Variants in CREB5 observed in about 807,000 individuals in gnomAD.
The protein encoded by CREB5 is cAMP responsive element binding protein 5.
Under a neutral mutation model 57.1 loss-of-function variants are expected in CREB5, and 19 were observed. The observed-to-expected ratio is 0.33, with a 90% CI of 0.23 to 0.49. CREB5 has a LOEUF of 0.49. Ranked by LOEUF, CREB5 falls within the 20% of genes least tolerant of loss-of-function variation. CREB5 has a pLI of 0.99. For missense variants in CREB5, 579 were observed against 671.6 expected, an observed-to-expected ratio of 0.86 and a Z score of 1.52; for synonymous variants, 238 against 238.3, an observed-to-expected ratio of 1.00 and a Z score of 0.01.
At chr7:28,411,177 G>T (rs1787781521), upstream of CREB5, among the ~76,000 whole-genome samples, 1 of 152,200 alleles carries the variant, frequency 6.6e-6, no homozygotes, top group Non-Finnish European at 1.5e-5. Flanking sequence ...ATGTTTGCAA[G>T]CGTTATGATA....
intron 1 of CREB5, among the ~76,000 whole-genome samples, chr7:28,397,028 T>A (rs1174502693): frequency 1.3e-5 from 2 of 152,156 alleles, no homozygotes; most frequent in East Asian, 3.8e-4. Context: ...TCTTGAGGAG[T>A]GTTTTTGTTC....
chr7:28,446,356 TC>T (rs1419384490), intron 1 of CREB5, among the ~76,000 whole-genome samples: 2 of 152,198 alleles, frequency 1.3e-5, no homozygotes, highest in Non-Finnish European at 2.9e-5. Context: ...AACCAAATGT[TC>T]CTTGTGTTCT....
intron 5 of CREB5, among the ~76,000 whole-genome samples, chr7:28,573,063 G>A (rs566837657): frequency 4.6e-5 from 7 of 152,096 alleles, no homozygotes; most frequent in South Asian, 2.1e-4. Context: ...AACCTTGCCC[G>A]GATGATCCTG....
chr7:28,342,496 C>T (rs1462880184), intron 1 of CREB5, among the ~76,000 whole-genome samples: 7 of 152,210 alleles, frequency 4.6e-5, no homozygotes, highest in Non-Finnish European at 8.8e-5. Context: ...TCAAACAACT[C>T]AATTAACAAA....
intron 4 of CREB5, among the ~76,000 whole-genome samples, chr7:28,529,230 C>T (rs2128620746): frequency 6.6e-6 from 1 of 152,276 alleles, no homozygotes; most frequent in Non-Finnish European, 1.5e-5. Flanking sequence ...TTTTTCCACC[C>T]AAGAATGCAC....
intron 1 of CREB5, among the ~76,000 whole-genome samples, chr7:28,303,935 A>G (rs1018898703): frequency 6.6e-6 from 1 of 152,208 alleles, no homozygotes; most frequent in Non-Finnish European, 1.5e-5. Flanking sequence ...ATATAGTTTT[A>G]GAATAAAAAT....
chr7:28,435,354 G>A (rs1788913666), intron 1 of CREB5, among the ~76,000 whole-genome samples: 1 of 151,158 alleles, frequency 6.6e-6, no homozygotes, highest in South Asian at 2.1e-4. Flanking sequence ...TGTCAGTGGG[G>A]ATGTGCATTT....
chr7:28,579,282 TGAA>T (rs1796028508), intron 5 of CREB5, among the ~76,000 whole-genome samples: 2 of 152,350 alleles, frequency 1.3e-5, no homozygotes, highest in African/African-American at 4.8e-5. Context: ...CATAGACTGC[TGAA>T]GAAGAATTCT....
At chr7:28,648,457 C>T (rs1410001524) in intron 5 of CREB5, among the ~76,000 whole-genome samples, 1 of 152,066 alleles carries the variant, frequency 6.6e-6, no homozygotes, top group African/African-American at 2.4e-5. Flanking sequence ...TAACTTTGGC[C>T]GGGTGCTGTG....
intron 1 of CREB5, among the ~76,000 whole-genome samples, chr7:28,452,158 A>T (rs1035448182): frequency 6.6e-6 from 1 of 152,174 alleles, no homozygotes; most frequent in Non-Finnish European, 1.5e-5. Flanking sequence ...GTAGTTAGTC[A>T]AAGTTTTGTT....
chr7:28,774,644 C>T (rs1583713694), intron 7 of CREB5, among the ~76,000 whole-genome samples: 1 of 152,182 alleles, frequency 6.6e-6, no homozygotes, highest in East Asian at 1.9e-4. Context: ...TAGGTCTCTG[C>T]ATGGTATGCC....
At position 28,649,735 on chromosome 7, in the gene CREB5, T is replaced by G. The variant is rs571710946; in HGVS notation, c.465-69018T>G. Among the ~76,000 whole-genome samples, 3 of 152,318 alleles carry G rather than the reference T, an allele frequency of 2.0e-5. No homozygotes were observed. The South Asian group carries it at 6.2e-4, about 32-fold the overall frequency. On this transcript the variant is annotated intron_variant, in intron 5 of 10. Transcript: ENST00000357727. ...ATTATCTCTTATATTCTGTGTAGTT[T>G]TTAGAAATAGAGGGTGAACAATAAT...
At chr7:28,383,640 C>T (rs1421862596) in intron 1 of CREB5, among the ~76,000 whole-genome samples, 4 of 152,168 alleles carry the variant, frequency 2.6e-5, no homozygotes, top group Non-Finnish European at 5.9e-5. Context: ...CTCCAGAGAA[C>T]TCACTCACTA....
At chr7:28,484,621 G>A (rs1408357960) in intron 1 of CREB5, among the ~76,000 whole-genome samples, 3 of 152,084 alleles carry the variant, frequency 2.0e-5, no homozygotes, top group South Asian at 2.1e-4. Flanking sequence ...CCAGTATTAC[G>A]TTGCTAAAAC....
chr7:28,550,139 CT>C (rs1332338821), intron 4 of CREB5, among the ~76,000 whole-genome samples: 1 of 152,032 alleles, frequency 6.6e-6, no homozygotes, highest in Non-Finnish European at 1.5e-5. Context: ...CCTCTTCTTC[CT>C]CTCTTCCTCC....
intron 5 of CREB5, among the ~76,000 whole-genome samples, chr7:28,674,939 T>C (rs1385911407): frequency 6.6e-6 from 1 of 152,230 alleles, no homozygotes; most frequent in Non-Finnish European, 1.5e-5. Flanking sequence ...TTACCGCTTT[T>C]CCCTCTCTTT....
At chr7:28,371,939 A>G (rs1786713731) in intron 1 of CREB5, among the ~76,000 whole-genome samples, 1 of 152,114 alleles carries the variant, frequency 6.6e-6, no homozygotes, top group Non-Finnish European at 1.5e-5. Flanking sequence ...TACCATTTGA[A>G]TGGCCCAGGA....
intron 1 of CREB5, among the ~76,000 whole-genome samples, chr7:28,392,496 C>G (rs919011614): frequency 6.6e-6 from 1 of 152,070 alleles, no homozygotes; most frequent in Non-Finnish European, 1.5e-5. Context: ...ACTTTTGCAC[C>G]AACCAAATAC....
At chr7:28,340,680 C>G (rs998179780) in intron 1 of CREB5, among the ~76,000 whole-genome samples, 7 of 152,208 alleles carry the variant, frequency 4.6e-5, no homozygotes, top group Admixed American at 2.0e-4. Context: ...TCCACTGGCT[C>G]TGAGCCCAGC....
Sources: gnomAD v4.1 joint callset for allele counts (sites outside exome capture counted in the v4.1 genomes callset) on GRCh38, gnomAD v4.1.1 for gene constraint, MANE v1.5 for transcripts, NCBI Gene and HGNC (gene_info 2026-07-23, HGNC 2026-07-21) for gene names.